Variants in ING5 observed in about 807,000 individuals in gnomAD.
ING5 encodes inhibitor of growth protein 5.
Under a neutral mutation model 37.4 loss-of-function variants are expected in ING5, and 17 were observed. That is an observed-to-expected ratio of 0.45 (90% CI 0.31 to 0.68). ING5 has a LOEUF of 0.68. Ranked by LOEUF, ING5 falls within the 30% of genes least tolerant of loss-of-function variation. ING5 has a pLI of 0.05. For synonymous variants in ING5, 123 were observed against 116.6 expected (o/e 1.06, Z -0.36); for missense variants, 233 against 311.9 (o/e 0.75, Z 1.91).
chr2:241,704,255 T>G (rs1270325064), intron 1 of ING5, among the ~76,000 whole-genome samples: 1 of 152,008 alleles, frequency 6.6e-6, no homozygotes, highest in Non-Finnish European at 1.5e-5. Context: ...GAATACAGAG[T>G]GGGCTTGTAG....
intron 5 of ING5, among the ~76,000 whole-genome samples, chr2:241,716,483 C>T (rs867203462): frequency 1.5e-4 from 22 of 151,710 alleles, no homozygotes; most frequent in African/African-American, 4.3e-4. Flanking sequence ...TTAGTAGAGA[C>T]AGGTTTTCAC....
At chr2:241,706,830 G>A (rs923767648) in intron 2 of ING5, among the ~76,000 whole-genome samples, 15 of 151,508 alleles carry the variant, frequency 9.9e-5, no homozygotes, top group African/African-American at 3.2e-4. Flanking sequence ...ATCTGGTGCC[G>A]TTTGGATTCT....
intron 5 of ING5, among the ~76,000 whole-genome samples, chr2:241,715,717 C>T (rs1363745535): frequency 1.3e-5 from 2 of 151,834 alleles, no homozygotes; most frequent in African/African-American, 4.8e-5. Flanking sequence ...GAACTCCTGA[C>T]CTCAGGTGAT....
chr2:241,705,365 A>T (rs1280210027), intron 2 of ING5, among the ~76,000 whole-genome samples: 1 of 138,342 alleles, frequency 7.2e-6, no homozygotes. Flanking sequence ...AGCGTGAGCC[A>T]CCTCGCCTGG....
upstream of ING5, chr2:241,687,036 T>G (rs966284367): frequency 4.3e-5 from 20 of 470,410 alleles, no homozygotes; most frequent in Non-Finnish European, 6.6e-5. Context: ...CGTGCGGGCC[T>G]CCGTCCTCGG....
At chr2:241,687,647 C>T (rs1392054710) in exon 1 of ING5, 3 of 268,054 alleles carry the variant, frequency 1.1e-5, no homozygotes, top group Non-Finnish European at 2.1e-5. Context: ...CCTGCCTCAG[C>T]CTCCCGAGTA....
chr2:241,704,657 C>G lies in ING5; in HGVS notation c.42C>G (p.Ile14Met), dbSNP rs139118032. 2 of 1,613,796 alleles carry G rather than the reference C, an allele frequency of 1.2e-6. No individual in the cohort carries two copies. Among genetic ancestry groups the G allele is most frequent in the East Asian group, 2.2e-5 (1 of 44,892 alleles). ...TTCTGTGTTTTTGCGTTTCAGGTATCGAGAACCTTCCCTGCGAACTTCAGA... is the reference window on the plus strand; with the variant it reads ...TTCTGTGTTTTTGCGTTTCAGGTATGGAGAACCTTCCCTGCGAACTTCAGA... ...AMYLEHYLDS[I>M]ENLPCELQRN... Residue 14 changes from isoleucine to methionine, a missense_variant, in exon 2 of 8, where the codon ATC becomes ATG. Physicochemically the swap from Ile to Met is conservative, Grantham distance 10. Around this residue, in one of 4 missense-constraint regions of ING5, gnomAD observed 93 missense variants for 99.7 expected, o/e 0.93. Coordinates refer to ENST00000313552, the MANE Select transcript of ING5 (RefSeq NM_032329.6).
At chr2:241,713,587 A>G (rs1161816531) in intron 5 of ING5, among the ~76,000 whole-genome samples, 2 of 145,746 alleles carry the variant, frequency 1.4e-5, no homozygotes, top group Non-Finnish European at 3.0e-5. Flanking sequence ...TAGTCAGGAT[A>G]GTCTTGATCT....
Position 241,721,427 on chromosome 2 carries a change from T to G in ING5, c.483-1512T>G, listed in dbSNP as rs1009836230. The G allele has an allele frequency of 1.4e-5, 14 of 985,450 alleles. No individual in the cohort carries two copies. In the African/African-American group the frequency reaches 2.4e-4, roughly 17 times the overall value. 61.0% of individuals were successfully genotyped at this position (985,450 alleles called of 1,614,324 possible). ...AGCAGATTACCTGCAAAGGACAGAC[T>G]TAGGTGGGCGCCCCTGTGCCAGAGG... On this transcript the variant is annotated intron_variant, in intron 5 of 7. Coordinates refer to ENST00000313552, the MANE Select transcript of ING5 (RefSeq NM_032329.6).
At chr2:241,690,881 G>A (rs551364923) in intron 2 of ING5, among the ~76,000 whole-genome samples, 6 of 150,716 alleles carry the variant, frequency 4.0e-5, no homozygotes, top group South Asian at 4.2e-4. Context: ...ATCTCAGCTC[G>A]CTGCAACATC....
At chr2:241,699,522 C>T (rs1050043104), upstream of ING5, among the ~76,000 whole-genome samples, 3 of 151,926 alleles carry the variant, frequency 2.0e-5, no homozygotes, top group Admixed American at 1.3e-4. Context: ...GCCATCCTCC[C>T]GCCTCAGCCT....
chr2:241,697,944 G>A (rs1275273228), upstream of ING5, among the ~76,000 whole-genome samples: 11 of 152,080 alleles, frequency 7.2e-5, no homozygotes, highest in African/African-American at 2.4e-4. Flanking sequence ...TTAGCCAGGC[G>A]TGGTGGTGCC....
At chr2:241,700,628 GTAT>G (rs200280672), upstream of ING5, among the ~76,000 whole-genome samples, 3 of 151,718 alleles carry the variant, frequency 2.0e-5, no homozygotes, top group Admixed American at 6.6e-5. Flanking sequence ...GCTAGTTTTT[GTAT>G]TATTATTATT....
At chr2:241,712,380 T>G in intron 5 of ING5, 1 of 292,498 alleles carries the variant, frequency 3.4e-6, no homozygotes, top group Admixed American at 4.7e-5. Flanking sequence ...GCTGCCCCAC[T>G]AGGGACAGGA....
intron 1 of ING5, among the ~76,000 whole-genome samples, chr2:241,689,530 C>T (rs918894937): frequency 2.0e-5 from 3 of 152,138 alleles, no homozygotes; most frequent in African/African-American, 2.4e-5. Flanking sequence ...GGTTTGGTCC[C>T]TCCCCTTCTG....
upstream of ING5, among the ~76,000 whole-genome samples, chr2:241,697,085 AAATAAT>A (rs1033651009): frequency 2.6e-5 from 4 of 151,194 alleles, no homozygotes; most frequent in Non-Finnish European, 4.4e-5. Context: ...CTCCGTTTCA[AAATAAT>A]AATAATAATA....
intron 2 of ING5, among the ~76,000 whole-genome samples, chr2:241,694,973 T>C: frequency 7.2e-6 from 1 of 139,768 alleles, no homozygotes; most frequent in Non-Finnish European, 1.5e-5. Context: ...TGAGCCGAGA[T>C]TGCGCCACCG....
intron 5 of ING5, chr2:241,719,849 C>T (rs558373944): frequency 1.2e-5 from 17 of 1,402,112 alleles, no homozygotes; most frequent in East Asian, 7.7e-5. Flanking sequence ...GGGAGCTCAG[C>T]GCTGCCTGCC....
chr2:241,724,082 T>A (rs1192098299), intron 7 of ING5: 46 of 1,351,848 alleles, frequency 3.4e-5, no homozygotes, highest in Non-Finnish European at 4.2e-5. Flanking sequence ...GATATCTATG[T>A]TCTGAAAATG....
Sources: gnomAD v4.1 joint callset for allele counts (sites outside exome capture counted in the v4.1 genomes callset) on GRCh38, gnomAD v4.1.1 for gene constraint, gnomAD v4.1.1 regional missense constraint, MANE v1.5 for transcripts, NCBI Gene and HGNC (gene_info 2026-07-23, HGNC 2026-07-21) for gene names.